SAP130: variants seen among roughly 807,000 people sequenced by gnomAD.
SAP130 encodes histone deacetylase complex subunit SAP130.
Under a neutral mutation model 103.2 loss-of-function variants are expected in SAP130, and 16 were observed. That is an observed-to-expected ratio of 0.16 (90% confidence interval 0.10 to 0.24). The LOEUF is 0.24. Among genes scored for constraint, SAP130 ranks in the 10% least tolerant of loss-of-function variants. The pLI, the probability that SAP130 is intolerant of heterozygous loss-of-function variation, is 1.00. For missense variants in SAP130, 990 were observed against 1,359.7 expected, an observed-to-expected ratio of 0.73 and a Z score of 4.28; for synonymous variants, 477 against 497.0, an observed-to-expected ratio of 0.96 and a Z score of 0.53.
chr2:127,962,562 GTTCA>G (rs1287086251), intron 15 of SAP130, among the ~76,000 whole-genome samples: 3 of 152,138 alleles, frequency 2.0e-5, no homozygotes. Context: ...AAAATGATGA[GTTCA>G]TGTCCTTTGT....
At chr2:127,987,026 T>A in intron 13 of SAP130, 64 bp from the exon 14 acceptor site, 1 of 1,431,606 alleles carries the variant, frequency 7.0e-7, no homozygotes, top group Admixed American at 1.9e-5. Context: ...ATAGAAGACA[T>A]AAATAAAAAT....
intron 7 of SAP130, among the ~76,000 whole-genome samples, chr2:128,003,282 G>C (rs1683702323): frequency 6.6e-6 from 1 of 151,654 alleles, no homozygotes; most frequent in African/African-American, 2.4e-5. Flanking sequence ...TGAGGCAGGA[G>C]GACTGCTTGA....
At position 127,942,380 on chromosome 2, in the gene SAP130, A is replaced by G. The variant is rs1010671652; in HGVS notation, c.3015+44T>C. On this transcript the variant is annotated intron_variant, in intron 20 of 20. Transcript: ENST00000643581. The surrounding 1 kb of genome is among the most constrained non-coding windows in gnomAD (Gnocchi z 4.8). ...GAGAAGTAGGGCTTTACAGAAAGCAACTTCATAAAGTAGATGATCAGAAGG... is the reference window on the plus strand; with the variant it reads ...GAGAAGTAGGGCTTTACAGAAAGCAGCTTCATAAAGTAGATGATCAGAAGG... The G allele has an allele frequency of 2.1e-6, 3 of 1,412,324 alleles. No individual in the cohort carries two copies. Among genetic ancestry groups the G allele is most frequent in the Admixed American group, 3.4e-5 (2 of 59,220 alleles). The allele number at this position is 1,412,324 out of a possible 1,614,324, so 87.5% of individuals were successfully genotyped here.
At chr2:127,997,270 A>G (rs1052516782) in intron 10 of SAP130, among the ~76,000 whole-genome samples, 4 of 152,220 alleles carry the variant, frequency 2.6e-5, no homozygotes, top group Admixed American at 6.5e-5. Context: ...TACACTTGAC[A>G]CTATTTTTTA....
Position 127,989,236 on chromosome 2 carries a change from C to A in SAP130, c.1780+328G>T, listed in dbSNP as rs1283532075. 6.6e-6 allele frequency among the ~76,000 whole-genome samples: 1 copy of A among 151,752 alleles called. No individual in the cohort carries two copies. Among genetic ancestry groups the A allele is most frequent in the Non-Finnish European group, 1.5e-5 (1 of 67,942 alleles). ...GCCTCAGCCTCCCGAGTAGCTAGGA[C>A]TACAGGCCCCCGCCACCACGCCTGG... On this transcript the variant is annotated intron_variant, in intron 13 of 20. Transcript: ENST00000643581. This position sits in a 1 kb window ranked among gnomAD's most constrained non-coding sequence, Gnocchi z 4.6.
chr2:128,018,313 C>CAAAAAAA (rs200188563), intron 2 of SAP130, among the ~76,000 whole-genome samples: 65 of 50,426 alleles, frequency 1.3e-3, no homozygotes, highest in Non-Finnish European at 1.5e-3. Flanking sequence ...ACTAAAAATA[C>CAAAAAAA]AAAAAAAAAA....
At position 127,996,147 on chromosome 2, in the gene SAP130, A is replaced by C. The variant is rs1184078674; in HGVS notation, c.1355+203T>G. Among the ~76,000 whole-genome samples, 9 of 152,218 alleles carry C rather than the reference A, an allele frequency of 5.9e-5. No homozygotes were observed. The East Asian group carries it at 1.7e-3, about 29-fold the overall frequency. On this transcript the variant is annotated intron_variant, in intron 11 of 20. Transcript: ENST00000643581. The surrounding 1 kb of genome is among the most constrained non-coding windows in gnomAD (Gnocchi z 4.3). ...ACACAAAACCCAAAAAATGGATACT[A>C]GGAAAACATCCATCAAAAGGAGACT... is the stretch of plus-strand genomic sequence containing the variant.
At chr2:127,970,221 CAAA>C (rs1175902128) in intron 15 of SAP130, among the ~76,000 whole-genome samples, 3 of 60,238 alleles carry the variant, frequency 5.0e-5, no homozygotes, top group Non-Finnish European at 3.3e-5. Flanking sequence ...GACTCCGTCT[CAAA>C]AAAAAAAAAA....
At chr2:127,968,866 G>A (rs890091640) in intron 15 of SAP130, among the ~76,000 whole-genome samples, 2 of 152,142 alleles carry the variant, frequency 1.3e-5, no homozygotes, top group Middle Eastern at 3.4e-3. Flanking sequence ...ACTTTCTTAC[G>A]TCTAGACCAG....
Position 127,950,353 on chromosome 2 carries a change from G to T in SAP130, c.2478C>A (p.Asn826Lys). 6.2e-7 allele frequency: 1 copy of T among 1,614,200 alleles called. No individual in the cohort carries two copies. Among genetic ancestry groups the T allele is most frequent in the Non-Finnish European group, 8.5e-7 (1 of 1,180,020 alleles). ...TVSPSLALLA[N>K]NLSMPTSDLP... The stretch of plus-strand genomic sequence containing the variant: ...GGTCACTTGTAGGCATGGACAAGTT[G>T]TTTGCCAGCAATGCAAGAGATGGAG... The change falls in exon 17 of 21, where the codon AAC becomes AAA. Residue 826 changes from asparagine to lysine, a missense_variant. Around this residue, in one of 6 missense-constraint regions of SAP130, gnomAD observed 349 missense variants for 384.1 expected, o/e 0.91. Coordinates refer to ENST00000643581, the MANE Select transcript of SAP130 (RefSeq NM_001330301.2).
At chr2:127,997,374 A>C (rs536071881) in intron 10 of SAP130, among the ~76,000 whole-genome samples, 54 of 152,326 alleles carry the variant, frequency 3.5e-4, no homozygotes, top group Non-Finnish European at 5.6e-4. Flanking sequence ...TCTTTGTAAA[A>C]ACCCGTTACA....
chr2:127,995,734 G>A (rs966256525), intron 11 of SAP130, among the ~76,000 whole-genome samples: 1 of 152,086 alleles, frequency 6.6e-6, no homozygotes, highest in Non-Finnish European at 1.5e-5. Flanking sequence ...GTTTACAAAG[G>A]AGAAAAACAT....
intron 11 of SAP130, among the ~76,000 whole-genome samples, chr2:127,994,077 T>C (rs1683006494): frequency 6.6e-6 from 1 of 152,144 alleles, no homozygotes; most frequent in Admixed American, 6.6e-5. Context: ...TACATCATGA[T>C]CAAATAAAGT....
Position 127,950,080 on chromosome 2 carries a change from C to A in SAP130, c.2671+80G>T, listed in dbSNP as rs1679387355. ...TCCAGTAAGTGAGGTACGAGTGAGG[C>A]TGACTATGTAACGAGCCTCTGGGTT... On this transcript the variant is annotated intron_variant, in intron 17 of 20. Coordinates refer to ENST00000643581, the MANE Select transcript of SAP130 (RefSeq NM_001330301.2). 4.4e-6 allele frequency: 7 copies of A among 1,608,284 alleles called. No homozygotes were observed. In the Admixed American group the frequency reaches 6.7e-5, roughly 15 times the overall value.
intron 10 of SAP130, among the ~76,000 whole-genome samples, chr2:127,999,283 G>C (rs1018058137): frequency 6.6e-6 from 1 of 152,122 alleles, no homozygotes; most frequent in African/African-American, 2.4e-5. Context: ...TTTACGTCCA[G>C]TCACCAGTAT....
chr2:127,961,795 C>A (rs188153482), intron 15 of SAP130, among the ~76,000 whole-genome samples: 1 of 152,206 alleles, frequency 6.6e-6, no homozygotes, highest in East Asian at 1.9e-4. Flanking sequence ...AAGTATGTTG[C>A]TTCCTTGGTT....
intron 6 of SAP130, among the ~76,000 whole-genome samples, chr2:128,011,946 G>A (rs1422970453): frequency 6.6e-6 from 1 of 152,132 alleles, no homozygotes; most frequent in Non-Finnish European, 1.5e-5. Flanking sequence ...CCAGGTAGCT[G>A]GGATTACAGG....
rs57007168 is a variant in SAP130 at position 127,952,450 on chromosome 2, T to TAA, written c.2423-2044_2423-2043dup. Reference sequence around the variant, plus strand: ...TGGGCAAAAGAGCACAACTCCATCTTAAAAAAAAAAAAAAAAAAAATCTTC... The same window carrying TAA: ...TGGGCAAAAGAGCACAACTCCATCTTAAAAAAAAAAAAAAAAAAAAAATCTTC... On this transcript the variant is annotated intron_variant, in intron 16 of 20. Coordinates refer to ENST00000643581, the MANE Select transcript of SAP130 (RefSeq NM_001330301.2). 4.2e-3 allele frequency among the ~76,000 whole-genome samples: 597 copies of TAA among 140,530 alleles called. 6 individuals carry two copies. Among genetic ancestry groups the TAA allele is most frequent in the African/African-American group, 0.015 (562 of 37,426 alleles). The allele number at this position is 140,530 out of a possible 152,430, so 92.2% of individuals were successfully genotyped here. A position where few individuals can be genotyped will look rare whatever the true frequency, so the allele number is the denominator to read the frequency against.
At chr2:128,018,176 C>G (rs1684905091) in intron 2 of SAP130, among the ~76,000 whole-genome samples, 1 of 151,994 alleles carries the variant, frequency 6.6e-6, no homozygotes, top group Non-Finnish European at 1.5e-5. Flanking sequence ...CTAAAATGAG[C>G]TGAAATAGTT....
Sources: allele counts gnomAD v4.1 joint callset (sites outside exome capture counted in the v4.1 genomes callset), GRCh38; gene constraint gnomAD v4.1.1; regional missense constraint gnomAD v4.1.1; non-coding constraint Gnocchi (gnomAD v3.1); transcripts MANE v1.5; gene names NCBI Gene and HGNC (gene_info 2026-07-23, HGNC 2026-07-21).